Variants in MPP4 observed in about 807,000 individuals in gnomAD.
MPP4 encodes the protein MAGUK p55 subfamily member 4.
A neutral mutation model predicts 98.3 loss-of-function variants in MPP4; 91 were observed. That is an observed-to-expected ratio of 0.93 (90% CI 0.78 to 1.10). The LOEUF (loss-of-function observed/expected upper bound fraction) is 1.10. MPP4 is among the 50% of genes least tolerant of loss of function. The pLI, the probability that MPP4 is intolerant of heterozygous loss-of-function variation, is 0.00. For missense variants in MPP4, 744 were observed against 792.9 expected, an observed-to-expected ratio of 0.94 and a Z score of 0.74; for synonymous variants, 261 against 271.8, an observed-to-expected ratio of 0.96 and a Z score of 0.39.
intron 14 of MPP4, chr2:201,661,445 C>G: frequency 2.2e-6 from 1 of 456,534 alleles, no homozygotes; most frequent in South Asian, 1.5e-5. Context: ...GCTAACTGTT[C>G]CTTAATTGAG....
chr2:201,675,277 G>C lies in MPP4; in HGVS notation c.930-6C>G, dbSNP rs202096827. 1,183 of 1,605,704 alleles carry C rather than the reference G, an allele frequency of 7.4e-4. 3 individuals carry two copies. The highest frequency in any genetic ancestry group is 9.1e-4 in the Non-Finnish European group (1,069 of 1,176,376). On this transcript the variant is annotated splice_region_variant and splice_polypyrimidine_tract_variant and intron_variant, in intron 10 of 21. Coordinates refer to ENST00000409474, the MANE Select transcript of MPP4 (RefSeq NM_033066.3). ...ACCAGAATTCCCGTTGCTTCCTATGGGGGGGAAAAAACCATGCGACAAAAA... is the reference window on the plus strand; with the variant it reads ...ACCAGAATTCCCGTTGCTTCCTATGCGGGGGAAAAAACCATGCGACAAAAA...
At chr2:201,686,081 T>C (rs1390893997) in intron 5 of MPP4, 31 bp from the exon 6 acceptor site, 16 of 1,605,964 alleles carry the variant, frequency 1.0e-5, no homozygotes, top group Non-Finnish European at 1.3e-5. Context: ...GGTGAGCAAA[T>C]GTCACACATG....
chr2:201,696,307 A>G (rs1372642411), intron 1 of MPP4, among the ~76,000 whole-genome samples: 1 of 152,192 alleles, frequency 6.6e-6, no homozygotes, highest in African/African-American at 2.4e-5. Context: ...ACTCTATTGA[A>G]TCATTTAGCA....
At chr2:201,662,751 AAGAG>A (rs1178697532) in intron 14 of MPP4, among the ~76,000 whole-genome samples, 2 of 152,124 alleles carry the variant, frequency 1.3e-5, no homozygotes, top group African/African-American at 4.8e-5. Context: ...TGTATGTGAT[AAGAG>A]AAAGAAGAAA....
intron 18 of MPP4, chr2:201,651,815 A>G (rs901617397): frequency 5.2e-5 from 17 of 325,300 alleles, no homozygotes; most frequent in Non-Finnish European, 6.6e-5. Context: ...TTAGCTAGGC[A>G]TGGTGACGTA....
intron 7 of MPP4, among the ~76,000 whole-genome samples, chr2:201,683,222 G>C (rs2105940539): frequency 6.6e-6 from 1 of 152,312 alleles, no homozygotes; most frequent in African/African-American, 2.4e-5. Context: ...TAAATCCAAA[G>C]ATGTCAGGGT....
intron 11 of MPP4, 144 bp downstream of exon 11, chr2:201,675,063 G>A (rs1337551522): frequency 1.0e-6 from 1 of 954,744 alleles, no homozygotes; most frequent in Non-Finnish European, 1.6e-6. Context: ...CTAATCTAGG[G>A]CCCTTCAAGG....
At chr2:201,695,597 C>T (rs775439681) in intron 1 of MPP4, among the ~76,000 whole-genome samples, 2 of 152,226 alleles carry the variant, frequency 1.3e-5, no homozygotes, top group South Asian at 2.1e-4. Flanking sequence ...CTTAATCCCA[C>T]GGGGGAACAG....
At chr2:201,688,305 C>T (rs1392540186) in intron 4 of MPP4, among the ~76,000 whole-genome samples, 4 of 152,146 alleles carry the variant, frequency 2.6e-5, no homozygotes. Context: ...TCTCCATTCT[C>T]ATGGAGTTTA....
At chr2:201,654,372 C>A (rs1420789700) in intron 18 of MPP4, among the ~76,000 whole-genome samples, 1 of 152,136 alleles carries the variant, frequency 6.6e-6, no homozygotes, top group Non-Finnish European at 1.5e-5. Flanking sequence ...AGATAGTAAG[C>A]ACTGGGTGTA....
chr2:201,650,560 C>T, intron 18 of MPP4: 1 of 985,380 alleles, frequency 1.0e-6, no homozygotes, highest in Middle Eastern at 5.2e-4. Context: ...ATTTCATCTT[C>T]CACACTCTTA....
chr2:201,667,416 T>C (rs1457566552), intron 12 of MPP4, among the ~76,000 whole-genome samples: 2 of 152,204 alleles, frequency 1.3e-5, no homozygotes, highest in Non-Finnish European at 2.9e-5. Context: ...CTATTCTACA[T>C]CTATAACCAT....
intron 18 of MPP4, chr2:201,650,792 G>A (rs1436996632): frequency 1.0e-6 from 1 of 985,270 alleles, no homozygotes; most frequent in Non-Finnish European, 1.2e-6. Flanking sequence ...ACCCAACCGA[G>A]TGGTGATTCG....
At chr2:201,668,919 C>CT (rs1688259236) in intron 12 of MPP4, among the ~76,000 whole-genome samples, 1 of 152,210 alleles carries the variant, frequency 6.6e-6, no homozygotes, top group South Asian at 2.1e-4. Context: ...TGTCATACAC[C>CT]TTTTTTGTTT....
At chr2:201,694,642 G>T in intron 1 of MPP4, among the ~76,000 whole-genome samples, 1 of 124,030 alleles carries the variant, frequency 8.1e-6, no homozygotes, top group Non-Finnish European at 1.6e-5. Flanking sequence ...TTGAGACAGG[G>T]TCTCACTCTG....
Position 201,645,386 on chromosome 2 carries a change from T to A in MPP4, c.1738A>T (p.Met580Leu). 6.2e-7 allele frequency: 1 copy of A among 1,613,986 alleles called. No individual in the cohort carries two copies. The highest frequency in any genetic ancestry group is 2.2e-5 in the East Asian group (1 of 44,890). Residue 580 changes from methionine to leucine, a missense_variant, in exon 22 of 22, where the codon ATG becomes TTG. Coordinates refer to ENST00000409474, the MANE Select transcript of MPP4 (RefSeq NM_033066.3). The stretch of plus-strand genomic sequence containing the variant: ...TCCATTCTTTGGGCTAAATTTTCCA[T>A]CTCTTGTAGGTCTTCATCCTTTAGG... The part of the protein sequence containing the change: ...MKFKDEDLQE[M>L]ENLAQRMETQ...
rs990244699 is a variant in MPP4 at position 201,652,458 on chromosome 2, T to TAAAAC, written c.1382-2298_1382-2294dup. On this transcript the variant is annotated intron_variant, in intron 18 of 21. Transcript: ENST00000409474. ...TGGGCGACAGAGCAAGACTCCGTCT[T>TAAAAC]AAAACAAAACAAAACAAAACAAAAA... is the stretch of plus-strand genomic sequence containing the variant. Among the ~76,000 whole-genome samples, 59 of 152,248 alleles carry TAAAAC rather than the reference T, an allele frequency of 3.9e-4. 1 individual carries two copies. Among genetic ancestry groups the TAAAAC allele is most frequent in the African/African-American group, 1.2e-3 (49 of 41,542 alleles).
intron 10 of MPP4, among the ~76,000 whole-genome samples, chr2:201,679,410 C>G (rs928567622): frequency 1.3e-5 from 2 of 152,156 alleles, no homozygotes; most frequent in Admixed American, 1.3e-4. Context: ...GCTTTCTACT[C>G]TCTCCTTCCC....
At position 201,654,843 on chromosome 2, in the gene MPP4, C is replaced by T; in HGVS notation, c.1375G>A (p.Val459Met). 2 of 1,601,116 alleles carry T rather than the reference C, an allele frequency of 1.2e-6. No homozygotes were observed. Among genetic ancestry groups the T allele is most frequent in the East Asian group, 2.2e-5 (1 of 44,572 alleles). The change falls in exon 18 of 22, where the codon GTG becomes ATG. Residue 459 changes from valine to methionine, a missense_variant. Coordinates refer to ENST00000409474, the MANE Select transcript of MPP4 (RefSeq NM_033066.3). ...EFNPSHFQSA[V>M]PHTTRTKKSY... ...AAAGCAGAACTAAACATACGTGGCA[C>T]AGCACTTTGAAAATGGCTGGGATTA...
Sources: allele counts gnomAD v4.1 joint callset (sites outside exome capture counted in the v4.1 genomes callset), GRCh38; gene constraint gnomAD v4.1.1; transcripts MANE v1.5; gene names NCBI Gene and HGNC (gene_info 2026-07-23, HGNC 2026-07-21).